Variants in ATCAY observed in about 807,000 individuals in gnomAD.
ATCAY encodes the protein caytaxin.
ATCAY carries 22 observed loss-of-function variants against 47.7 expected under a neutral mutation model. The ratio of observed to expected loss-of-function variants is 0.46; its 90% CI spans 0.33 to 0.66. The LOEUF (loss-of-function observed/expected upper bound fraction) is 0.66, where lower values mean the gene tolerates loss of function less well. Among genes scored for constraint, ATCAY ranks in the 30% least tolerant of loss-of-function variants. The probability of loss-of-function intolerance (pLI) is 0.02; values close to 1 mark genes in which losing one functional copy is unlikely to be tolerated. For missense variants in ATCAY, 452 were observed against 515.0 expected (o/e 0.88, Z 1.18); for synonymous variants, 216 against 207.6 (o/e 1.04, Z -0.35).
At chr19:3,882,236 G>A (rs1023433463) in intron 1 of ATCAY, among the ~76,000 whole-genome samples, 7 of 152,196 alleles carry the variant, frequency 4.6e-5, no homozygotes, top group African/African-American at 1.7e-4. Flanking sequence ...TCTTGCCCGG[G>A]CTGGTCTTAA....
Position 3,928,043 on chromosome 19 carries a change from G to C in ATCAY, c.*3451G>C, listed in dbSNP as rs971515242. 2 of 152,164 alleles carry C rather than the reference G, an allele frequency of 1.3e-5. No individual in the cohort carries two copies. The highest frequency in any genetic ancestry group is 2.9e-5 in the Non-Finnish European group (2 of 68,036). 9.4% of individuals were successfully genotyped at this position (152,164 alleles called of 1,614,324 possible). A position where few individuals can be genotyped will look rare whatever the true frequency, so the allele number is the denominator to read the frequency against. Reference sequence around the variant, plus strand: ...TAAGACGTCGTCTCCATGAGCTTTGGGGGGACTTTTATGTGGAATAAAGAA... The same window carrying C: ...TAAGACGTCGTCTCCATGAGCTTTGCGGGGACTTTTATGTGGAATAAAGAA... On this transcript the variant is annotated 3_prime_UTR_variant, in exon 13 of 13. Transcript: ENST00000450849.
intron 9 of ATCAY, among the ~76,000 whole-genome samples, chr19:3,916,645 C>T (rs779565933): frequency 6.6e-6 from 1 of 152,094 alleles, no homozygotes; most frequent in Non-Finnish European, 1.5e-5. Context: ...AGGCGCCCAC[C>T]ACCACACCCA....
At chr19:3,916,287 A>G (rs1179731045) in intron 9 of ATCAY, among the ~76,000 whole-genome samples, 1 of 152,072 alleles carries the variant, frequency 6.6e-6, no homozygotes, top group Non-Finnish European at 1.5e-5. Flanking sequence ...TTGTCAATCC[A>G]TTTGTCCATC....
intron 9 of ATCAY, among the ~76,000 whole-genome samples, chr19:3,915,331 C>T (rs1004393827): frequency 4.2e-5 from 5 of 120,418 alleles, no homozygotes; most frequent in Middle Eastern, 4.3e-3. Context: ...AGCCGCCATG[C>T]CTGGCTAATT....
In ATCAY at chr19:3,926,697, A is replaced by G. The variant is rs1468288960; in HGVS notation, c.*2105A>G. The G allele has an allele frequency of 3.9e-5, 6 of 152,288 alleles. No individual in the cohort carries two copies. Among genetic ancestry groups the G allele is most frequent in the Non-Finnish European group, 8.8e-5 (6 of 68,098 alleles). 9.4% of individuals were successfully genotyped at this position (152,288 alleles called of 1,614,324 possible). A position where few individuals can be genotyped will look rare whatever the true frequency, so the allele number is the denominator to read the frequency against. On this transcript the variant is annotated 3_prime_UTR_variant, in exon 13 of 13. Transcript: ENST00000450849. The stretch of plus-strand genomic sequence containing the variant: ...TCCCCAAAAGCCAGCAGCTCCTGCC[A>G]TGAGGAAGACGGGGTTTCTGAGCAG...
intron 2 of ATCAY, among the ~76,000 whole-genome samples, chr19:3,894,466 AG>A (rs2038747013): frequency 6.8e-6 from 1 of 146,926 alleles, no homozygotes; most frequent in African/African-American, 2.5e-5. Flanking sequence ...CCTGGGTGAC[AG>A]AGTGAGACTC....
Position 3,907,744 on chromosome 19 carries a change from C to A in ATCAY, c.369C>A (p.Pro123=). The change falls in exon 5 of 13, where the codon CCC becomes CCA. Residue 123 remains proline, a synonymous_variant. Coordinates refer to ENST00000450849, the MANE Select transcript of ATCAY (RefSeq NM_033064.5). This position sits in a 1 kb window ranked among gnomAD's most constrained non-coding sequence, Gnocchi z 5.1. ...GNELEWEDDT[P]VATAKNMPGD... ...GCCACCTGCTTCTAGACGACACCCC[C>A]GTGGCCACCGCCAAGAACATGCCCG... 1.9e-6 allele frequency: 3 copies of A among 1,614,000 alleles called. No individual in the cohort carries two copies. Among genetic ancestry groups the A allele is most frequent in the Non-Finnish European group, 2.5e-6 (3 of 1,179,878 alleles).
intron 8 of ATCAY, 45 bp downstream of exon 8, chr19:3,910,934 CGT>C (rs2038917194): frequency 6.3e-7 from 1 of 1,581,844 alleles, no homozygotes; most frequent in Non-Finnish European, 8.7e-7. Flanking sequence ...CCTCAGTGTG[CGT>C]GTGTGCGTGT....
chr19:3,897,758 A>G (rs2038782131), intron 2 of ATCAY, among the ~76,000 whole-genome samples: 1 of 151,932 alleles, frequency 6.6e-6, no homozygotes. Context: ...AAACACAAAA[A>G]TCAGCTGAGC....
chr19:3,922,757 G>T (rs2039031637), intron 12 of ATCAY, among the ~76,000 whole-genome samples: 1 of 151,986 alleles, frequency 6.6e-6, no homozygotes, highest in Non-Finnish European at 1.5e-5. Context: ...TGTTGTTGTT[G>T]TTTTTGAGAT....
At chr19:3,886,098 T>A (rs1288521674) in intron 2 of ATCAY, among the ~76,000 whole-genome samples, 2 of 152,226 alleles carry the variant, frequency 1.3e-5, no homozygotes, top group African/African-American at 4.8e-5. Context: ...GATTCATTTC[T>A]GTCTTCCCTG....
At chr19:3,909,807 G>T (rs1057318642) in intron 7 of ATCAY, among the ~76,000 whole-genome samples, 190 bp downstream of exon 7, 1 of 152,024 alleles carries the variant, frequency 6.6e-6, no homozygotes, top group South Asian at 2.1e-4. Context: ...CTTTTAGGCC[G>T]GGCAAGGGGG....
rs1274096341 is a variant in ATCAY, at chr19:3,927,999, T to C, written c.*3407T>C. The C allele has an allele frequency of 6.6e-6, 1 of 152,214 alleles. No individual in the cohort carries two copies. The highest frequency in any genetic ancestry group is 1.5e-5 in the Non-Finnish European group (1 of 68,046). The allele number at this position is 152,214 out of a possible 1,614,324, so 9.4% of individuals were successfully genotyped here. A position where few individuals can be genotyped will look rare whatever the true frequency, so the allele number is the denominator to read the frequency against. ...TTCAGAACAGAAATGATCACTACGATTGACGACGGTCGTGATGTTAAGACG... is the reference window on the plus strand; with the variant it reads ...TTCAGAACAGAAATGATCACTACGACTGACGACGGTCGTGATGTTAAGACG... On this transcript the variant is annotated 3_prime_UTR_variant, in exon 13 of 13. Coordinates refer to ENST00000450849, the MANE Select transcript of ATCAY (RefSeq NM_033064.5).
chr19:3,924,711 G>T lies in ATCAY; in HGVS notation c.*119G>T. On this transcript the variant is annotated 3_prime_UTR_variant, in exon 13 of 13. Transcript: ENST00000450849. ...CATCCTGAGTCCCAATCTTCCAAGG[G>T]TGCCAGCCCCTCCGTTCATCTCTGA... The T allele has an allele frequency of 1.9e-6, 2 of 1,080,336 alleles. No individual in the cohort carries two copies. The highest frequency in any genetic ancestry group is 2.7e-6 in the Non-Finnish European group (2 of 732,002). The allele number at this position is 1,080,336 out of a possible 1,614,324, so 66.9% of individuals were successfully genotyped here.
At chr19:3,923,571 T>G (rs547255573) in intron 12 of ATCAY, among the ~76,000 whole-genome samples, 139 of 151,670 alleles carry the variant, frequency 9.2e-4, no homozygotes, top group African/African-American at 3.3e-3. Flanking sequence ...AATGGATGGA[T>G]GGATGGATGG....
chr19:3,899,789 G>A (rs1217358961), intron 2 of ATCAY, among the ~76,000 whole-genome samples: 1 of 152,112 alleles, frequency 6.6e-6, no homozygotes, highest in Non-Finnish European at 1.5e-5. Context: ...CGTGCAAAAT[G>A]TTCTGCCCGG....
At chr19:3,909,003 C>CA (rs71166937) in intron 6 of ATCAY, among the ~76,000 whole-genome samples, 500 of 12,470 alleles carry the variant, frequency 0.04, 66 homozygotes, top group African/African-American at 0.23. Flanking sequence ...GAACCTGTCT[C>CA]AAAAAAAAAA....
At chr19:3,917,591 A>AG in intron 9 of ATCAY, 151 bp from the exon 10 acceptor site, 2 of 806,464 alleles carry the variant, frequency 2.5e-6, no homozygotes, top group Admixed American at 6.3e-5. Flanking sequence ...TCTCAAAAAA[A>AG]AAAAAAAAAA....
intron 2 of ATCAY, among the ~76,000 whole-genome samples, chr19:3,891,794 T>C (rs979834749): frequency 3.9e-5 from 6 of 152,040 alleles, no homozygotes; most frequent in African/African-American, 1.4e-4. Flanking sequence ...GCCCCATAGC[T>C]CCCTCTACTC....
Sources: allele counts gnomAD v4.1 joint callset (sites outside exome capture counted in the v4.1 genomes callset), GRCh38; gene constraint gnomAD v4.1.1; non-coding constraint Gnocchi (gnomAD v3.1); transcripts MANE v1.5; gene names NCBI Gene and HGNC (gene_info 2026-07-23, HGNC 2026-07-21).